Variants in AKIRIN1 observed in about 807,000 individuals in gnomAD.
The protein encoded by AKIRIN1 is akirin 1, also known as akirin-1.
A neutral mutation model predicts 25.9 loss-of-function variants in AKIRIN1; 4 were observed. The observed-to-expected ratio is 0.15, with a 90% CI of 0.08 to 0.35. AKIRIN1 has a LOEUF of 0.35. Among genes scored for constraint, AKIRIN1 ranks in the 10% least tolerant of loss-of-function variants. The pLI is 1.00. For synonymous variants in AKIRIN1, 125 were observed against 105.1 expected (o/e 1.19, Z -1.16); for missense variants, 243 against 266.1 (o/e 0.91, Z 0.61).
intron 1 of AKIRIN1, among the ~76,000 whole-genome samples, chr1:38,995,334 T>C (rs1643939574): frequency 6.6e-6 from 1 of 152,190 alleles, no homozygotes; most frequent in Admixed American, 6.5e-5. Flanking sequence ...TTTTGGTTTG[T>C]AGCAGTAGGA....
intron 1 of AKIRIN1, among the ~76,000 whole-genome samples, chr1:38,992,191 T>C (rs556386997): frequency 6.6e-6 from 1 of 152,292 alleles, no homozygotes; most frequent in African/African-American, 2.4e-5. Flanking sequence ...CCTCGTACCA[T>C]ATATGGCTTG....
chr1:38,996,312 C>T (rs573507509), intron 1 of AKIRIN1, among the ~76,000 whole-genome samples: 14 of 152,068 alleles, frequency 9.2e-5, no homozygotes, highest in African/African-American at 3.4e-4. Flanking sequence ...AGGCTGGTCT[C>T]GAACCTCAGG....
chr1:39,005,981 T>C lies in AKIRIN1; in HGVS notation c.*1926T>C, dbSNP rs1644031540. 1 of 152,172 alleles carries C rather than the reference T, an allele frequency of 6.6e-6. No individual in the cohort carries two copies. The highest frequency in any genetic ancestry group is 1.5e-5 in the Non-Finnish European group (1 of 68,032). The allele number at this position is 152,172 out of a possible 1,614,324, so 9.4% of individuals were successfully genotyped here. On this transcript the variant is annotated 3_prime_UTR_variant, in exon 5 of 5. Coordinates refer to ENST00000432648, the MANE Select transcript of AKIRIN1 (RefSeq NM_024595.3). The stretch of plus-strand genomic sequence containing the variant: ...ACCATTTCCCCAGTTCAACATTGCA[T>C]TGAAAATTTATGGACCTTTAAAAAA...
At chr1:38,993,014 A>G (rs921628805) in intron 1 of AKIRIN1, among the ~76,000 whole-genome samples, 2 of 152,194 alleles carry the variant, frequency 1.3e-5, no homozygotes, top group Non-Finnish European at 2.9e-5. Context: ...GGCCACTTGC[A>G]GTGATGTTTA....
chr1:38,993,618 C>T (rs1256365907), intron 1 of AKIRIN1, among the ~76,000 whole-genome samples: 61 of 132,496 alleles, frequency 4.6e-4, no homozygotes, highest in Non-Finnish European at 7.7e-4. Context: ...GCCACAAGAG[C>T]GAAACTCCAT....
intron 2 of AKIRIN1, among the ~76,000 whole-genome samples, chr1:38,999,569 C>G (rs1643972963): frequency 6.6e-6 from 1 of 152,148 alleles, no homozygotes; most frequent in Non-Finnish European, 1.5e-5. Flanking sequence ...ACATGATAAA[C>G]CTGTCAGTGG....
chr1:39,001,393 A>C (rs569632537), intron 3 of AKIRIN1, among the ~76,000 whole-genome samples: 2 of 149,698 alleles, frequency 1.3e-5, no homozygotes, highest in African/African-American at 4.9e-5. Flanking sequence ...CCTCCAGAGT[A>C]GCTGGGATTA....
intron 2 of AKIRIN1, among the ~76,000 whole-genome samples, chr1:38,999,733 G>A (rs1366373760): frequency 2.0e-5 from 3 of 152,176 alleles, no homozygotes; most frequent in Non-Finnish European, 4.4e-5. Flanking sequence ...GTTAGTTTAA[G>A]CAAAAAATTG....
chr1:39,002,497 G>A (rs905773835), intron 3 of AKIRIN1, among the ~76,000 whole-genome samples: 12 of 152,246 alleles, frequency 7.9e-5, no homozygotes, highest in South Asian at 2.1e-4. Context: ...TTGGGAGGCC[G>A]AGGCGGGCAG....
chr1:38,998,147 T>A (rs1643961181), intron 1 of AKIRIN1, 24 bp from the exon 2 acceptor site: 1 of 1,597,546 alleles, frequency 6.3e-7, no homozygotes, highest in Middle Eastern at 1.7e-4. Flanking sequence ...AAGTGAAAGC[T>A]CAAGTTTGTT....
At chr1:38,997,514 A>G (rs575558909) in intron 1 of AKIRIN1, among the ~76,000 whole-genome samples, 5 of 151,158 alleles carry the variant, frequency 3.3e-5, no homozygotes, top group Non-Finnish European at 7.4e-5. Context: ...TGTTTTTTAG[A>G]TAAATCACCC....
intron 2 of AKIRIN1, among the ~76,000 whole-genome samples, chr1:38,998,924 C>T (rs554213248): frequency 6.6e-6 from 1 of 152,142 alleles, no homozygotes; most frequent in Admixed American, 6.6e-5. Context: ...TCAGTAGTCA[C>T]ATTTCAGGTA....
At chr1:38,996,289 C>T (rs548200324) in intron 1 of AKIRIN1, among the ~76,000 whole-genome samples, 3 of 152,098 alleles carry the variant, frequency 2.0e-5, no homozygotes, top group South Asian at 4.2e-4. Flanking sequence ...GAGATGGTTT[C>T]GCCATGTTGG....
At chr1:38,998,422 T>A (rs1643963869) in intron 2 of AKIRIN1, 111 bp downstream of exon 2, 1 of 1,194,060 alleles carries the variant, frequency 8.4e-7, no homozygotes. Flanking sequence ...AACGGGGATG[T>A]ATTAATATTT....
chr1:38,991,902 C>T (rs1213485608), intron 1 of AKIRIN1, among the ~76,000 whole-genome samples: 1 of 151,986 alleles, frequency 6.6e-6, no homozygotes, highest in Non-Finnish European at 1.5e-5. Flanking sequence ...TCGCTGAAGC[C>T]CCTCCTTCCT....
intron 1 of AKIRIN1, among the ~76,000 whole-genome samples, chr1:38,996,902 T>C (rs956722470): frequency 6.6e-6 from 1 of 152,236 alleles, no homozygotes; most frequent in Non-Finnish European, 1.5e-5. Context: ...TTTGACTATG[T>C]GTGGAACCAC....
intron 1 of AKIRIN1, among the ~76,000 whole-genome samples, chr1:38,994,362 T>G (rs1036552319): frequency 3.9e-5 from 6 of 152,190 alleles, no homozygotes; most frequent in African/African-American, 1.4e-4. Flanking sequence ...TAAATCTTTA[T>G]TGAGTGCTAG....
At chr1:38,998,091 T>A in intron 1 of AKIRIN1, 80 bp from the exon 2 acceptor site, 1 of 1,449,054 alleles carries the variant, frequency 6.9e-7, no homozygotes. Flanking sequence ...CAGAAGATCT[T>A]TGTCTCTTCC....
Position 39,004,515 on chromosome 1 carries a change from T to C in AKIRIN1, c.*460T>C. The stretch of plus-strand genomic sequence containing the variant: ...CACGACAATTATGGTAAAAAAACAT[T>C]TGCTTGGTCTAAAGAAGATCATTAA... On this transcript the variant is annotated 3_prime_UTR_variant, in exon 5 of 5. Coordinates refer to ENST00000432648, the MANE Select transcript of AKIRIN1 (RefSeq NM_024595.3). 7.0e-6 allele frequency: 2 copies of C among 287,612 alleles called. No homozygotes were observed. The highest frequency in any genetic ancestry group is 1.4e-5 in the Non-Finnish European group (2 of 147,450). The allele number at this position is 287,612 out of a possible 1,614,324, so 17.8% of individuals were successfully genotyped here. A position where few individuals can be genotyped will look rare whatever the true frequency, so the allele number is the denominator to read the frequency against.
Sources: allele counts gnomAD v4.1 joint callset (sites outside exome capture counted in the v4.1 genomes callset), GRCh38; gene constraint gnomAD v4.1.1; transcripts MANE v1.5; gene names NCBI Gene and HGNC (gene_info 2026-07-23, HGNC 2026-07-21).